DOCK4: variants seen among roughly 807,000 people sequenced by gnomAD.
DOCK4 encodes dedicator of cytokinesis protein 4.
A neutral mutation model predicts 268.1 loss-of-function variants in DOCK4; 97 were observed. The ratio of observed to expected loss-of-function variants is 0.36; its 90% CI spans 0.31 to 0.43. The LOEUF is 0.43. DOCK4 is among the 20% of genes least tolerant of loss of function. The pLI, the probability that DOCK4 is intolerant of heterozygous loss-of-function variation, is 1.00. For synonymous variants in DOCK4, 954 were observed against 887.2 expected, an observed-to-expected ratio of 1.08 and a Z score of -1.34; for missense variants, 2,145 against 2,455.7, an observed-to-expected ratio of 0.87 and a Z score of 2.67.
In DOCK4 at chr7:111,868,162, A is replaced by G; in HGVS notation, c.2110-8T>C. The stretch of plus-strand genomic sequence containing the variant: ...AAAAATGTATTCTTGTGCCTTAAAA[A>G]TACAATTTTTAAAAGTTAGCTTCAA... On this transcript the variant is annotated splice_region_variant and splice_polypyrimidine_tract_variant and intron_variant, in intron 21 of 52. Transcript: ENST00000428084. The G allele has an allele frequency of 6.4e-7, 1 of 1,565,736 alleles. No homozygotes were observed. Among genetic ancestry groups the G allele is most frequent in the Non-Finnish European group, 8.6e-7 (1 of 1,157,584 alleles).
In DOCK4 at chr7:111,846,539, A is replaced by G. The variant is rs567000015; in HGVS notation, c.2601+460T>C. On this transcript the variant is annotated intron_variant, in intron 24 of 52. Transcript: ENST00000428084. Reference sequence around the variant, plus strand: ...TGGGGCCAAGTAATGGTTATACTGTAAGATACCCCTAATCTCCTGGGGCTG... The same window carrying G: ...TGGGGCCAAGTAATGGTTATACTGTGAGATACCCCTAATCTCCTGGGGCTG... Among the ~76,000 whole-genome samples, 4 of 152,312 alleles carry G rather than the reference A, an allele frequency of 2.6e-5. No homozygotes were observed. In the South Asian group the frequency reaches 8.3e-4, roughly 32 times the overall value.
chr7:111,921,145 T>C (rs1793103973), intron 12 of DOCK4, among the ~76,000 whole-genome samples: 1 of 152,154 alleles, frequency 6.6e-6, no homozygotes, highest in South Asian at 2.1e-4. Flanking sequence ...AGAAACGTAA[T>C]CATTAAAGTG....
intron 5 of DOCK4, among the ~76,000 whole-genome samples, chr7:111,989,733 T>C (rs1453277791): frequency 2.6e-5 from 4 of 152,244 alleles, no homozygotes; most frequent in Admixed American, 2.6e-4. Context: ...CTTTCTTCCT[T>C]ACTTTTAAAA....
intron 1 of DOCK4, among the ~76,000 whole-genome samples, chr7:112,115,961 G>A (rs147442259): frequency 6.6e-6 from 1 of 152,168 alleles, no homozygotes; most frequent in South Asian, 2.1e-4. Context: ...TTACAGGCAT[G>A]AGCCACCATG....
intron 13 of DOCK4, among the ~76,000 whole-genome samples, chr7:111,909,979 A>G (rs1420683431): frequency 6.9e-6 from 1 of 144,300 alleles, no homozygotes; most frequent in African/African-American, 2.8e-5. Context: ...AGAAAAAAGA[A>G]AAAAAAAAAA....
Position 111,791,070 on chromosome 7 carries a change from TTATATATATATATA to T in DOCK4, c.3167-479_3167-466del, listed in dbSNP as rs35033313. 1.8e-4 allele frequency among the ~76,000 whole-genome samples: 17 copies of T among 95,442 alleles called. 1 individual carries two copies. The highest frequency in any genetic ancestry group is 1.0e-3 in the African/African-American group (17 of 16,530). The allele number at this position is 95,442 out of a possible 152,430, so 62.6% of individuals were successfully genotyped here. ...AAGACTCTGTCTCAAAAAAAAAAAA[TTATATATATATATA>T]TATATATATATATATAAAATAAATC... On this transcript the variant is annotated intron_variant, in intron 30 of 52. Coordinates refer to ENST00000428084, the MANE Select transcript of DOCK4 (RefSeq NM_001363540.2).
chr7:112,189,665 A>T (rs982256809), intron 1 of DOCK4, among the ~76,000 whole-genome samples: 15 of 151,768 alleles, frequency 9.9e-5, no homozygotes, highest in African/African-American at 3.6e-4. Flanking sequence ...TCCTATCTTC[A>T]CTGAAATTCA....
intron 1 of DOCK4, among the ~76,000 whole-genome samples, chr7:112,142,034 A>G (rs1267114094): frequency 6.6e-6 from 1 of 152,210 alleles, no homozygotes; most frequent in Non-Finnish European, 1.5e-5. Flanking sequence ...CTCTATGAAG[A>G]GCAAATACAC....
intron 1 of DOCK4, among the ~76,000 whole-genome samples, chr7:112,095,688 T>C (rs922584599): frequency 2.0e-5 from 3 of 152,156 alleles, no homozygotes; most frequent in African/African-American, 7.2e-5. Flanking sequence ...AACCATGAAA[T>C]GAAAGCATTT....
intron 1 of DOCK4, among the ~76,000 whole-genome samples, chr7:112,135,456 T>C (rs1814242123): frequency 6.6e-6 from 1 of 152,164 alleles, no homozygotes; most frequent in Non-Finnish European, 1.5e-5. Flanking sequence ...ACATAAGACA[T>C]GATAAATTTA....
rs1817673133 is a variant in DOCK4, at chr7:112,167,101, T to C, written c.37+39001A>G. Among the ~76,000 whole-genome samples, 3 of 152,266 alleles carry C rather than the reference T, an allele frequency of 2.0e-5. No individual in the cohort carries two copies. The South Asian group carries it at 6.2e-4, about 32-fold the overall frequency. On this transcript the variant is annotated intron_variant, in intron 1 of 52. Coordinates refer to ENST00000428084, the MANE Select transcript of DOCK4 (RefSeq NM_001363540.2). The stretch of plus-strand genomic sequence containing the variant: ...CAAAAGAATTCATTAGTGGAGAAAA[T>C]TCCATTCAGCCAGTGGCCTATAGCT...
At chr7:111,976,892 T>C (rs1798247090) in intron 8 of DOCK4, 5 of 343,444 alleles carry the variant, frequency 1.5e-5, no homozygotes, top group Non-Finnish European at 2.6e-5. Flanking sequence ...CATACTTCCA[T>C]TTAATATCAA....
chr7:111,938,553 T>C (rs1279006564), intron 11 of DOCK4, among the ~76,000 whole-genome samples: 1 of 152,172 alleles, frequency 6.6e-6, no homozygotes, highest in Non-Finnish European at 1.5e-5. Flanking sequence ...CGTCCAAGCC[T>C]GTGGGGAGGT....
intron 7 of DOCK4, among the ~76,000 whole-genome samples, chr7:111,982,622 C>A (rs1002100884): frequency 2.0e-5 from 3 of 151,988 alleles, no homozygotes; most frequent in Non-Finnish European, 2.9e-5. Context: ...AATCCAAGAC[C>A]CAAATAACTG....
intron 1 of DOCK4, among the ~76,000 whole-genome samples, chr7:112,167,455 A>G (rs1335579195): frequency 6.6e-6 from 1 of 152,192 alleles, no homozygotes; most frequent in Non-Finnish European, 1.5e-5. Flanking sequence ...TTTGTGAAAG[A>G]CAGGAAAAGG....
chr7:112,036,924 G>C (rs1803845754), intron 1 of DOCK4, among the ~76,000 whole-genome samples: 1 of 152,152 alleles, frequency 6.6e-6, no homozygotes, highest in South Asian at 2.1e-4. Flanking sequence ...GCCTCCCATA[G>C]TGCTGGGATT....
At chr7:112,179,189 C>T (rs186521195) in intron 1 of DOCK4, among the ~76,000 whole-genome samples, 78 of 152,172 alleles carry the variant, frequency 5.1e-4, no homozygotes, top group Admixed American at 1.3e-3. Flanking sequence ...GAGCTCGGGA[C>T]CAGCCTGGGC....
chr7:112,027,925 A>C (rs893857817), intron 1 of DOCK4, among the ~76,000 whole-genome samples: 1 of 152,220 alleles, frequency 6.6e-6, no homozygotes, highest in Non-Finnish European at 1.5e-5. Context: ...GAGAGCCATG[A>C]AACCAAAGAG....
chr7:111,743,028 A>C (rs1796031368), intron 44 of DOCK4, among the ~76,000 whole-genome samples: 1 of 152,046 alleles, frequency 6.6e-6, no homozygotes, highest in African/African-American at 2.4e-5. Flanking sequence ...AAAAAATCCC[A>C]AAAAACATTA....
Sources: allele counts gnomAD v4.1 joint callset (sites outside exome capture counted in the v4.1 genomes callset), GRCh38; gene constraint gnomAD v4.1.1; transcripts MANE v1.5; gene names NCBI Gene and HGNC (gene_info 2026-07-23, HGNC 2026-07-21).